Variants in DIP2B observed in about 807,000 individuals in gnomAD.
DIP2B encodes DIP2 acetate--CoA ligase B (putative).
A neutral mutation model predicts 198.0 loss-of-function variants in DIP2B; 76 were observed. The ratio of observed to expected loss-of-function variants is 0.38; its 90% CI spans 0.32 to 0.46. DIP2B has a LOEUF of 0.46. Ranked by LOEUF, DIP2B falls within the 20% of genes least tolerant of loss-of-function variation. DIP2B has a pLI of 0.99. For synonymous variants in DIP2B, 701 were observed against 739.1 expected (o/e 0.95, Z 0.84); for missense variants, 1,559 against 1,978.4 (o/e 0.79, Z 4.02).
intron 1 of DIP2B, among the ~76,000 whole-genome samples, chr12:50,591,642 T>A (rs960540069): frequency 1.3e-5 from 2 of 151,470 alleles, no homozygotes; most frequent in East Asian, 3.9e-4. Context: ...TTTTTTTTAA[T>A]AGAAACATGG....
chr12:50,576,524 G>A (rs1958662683), intron 1 of DIP2B, among the ~76,000 whole-genome samples: 1 of 151,674 alleles, frequency 6.6e-6, no homozygotes, highest in Non-Finnish European at 1.5e-5. Flanking sequence ...TGTCGCCCAG[G>A]CTGGAGTGCA....
intron 7 of DIP2B, among the ~76,000 whole-genome samples, chr12:50,675,673 A>G (rs1338879183): frequency 6.6e-6 from 1 of 152,220 alleles, no homozygotes. Context: ...AGAGATCACC[A>G]TGGAGCATAG....
At chr12:50,576,641 G>A (rs1958664138) in intron 1 of DIP2B, among the ~76,000 whole-genome samples, 1 of 151,336 alleles carries the variant, frequency 6.6e-6, no homozygotes, top group African/African-American at 2.4e-5. Context: ...ACCACGCCTG[G>A]CTAATTTTTT....
rs4026694 is a variant in DIP2B, at chr12:50,716,958, C to CTTTTTTTTTTTTTTTTTTTT, written c.2852-1747_2852-1728dup. 4.9e-3 allele frequency among the ~76,000 whole-genome samples: 288 copies of CTTTTTTTTTTTTTTTTTTTT among 58,932 alleles called. 86 individuals carry two copies. Among genetic ancestry groups the CTTTTTTTTTTTTTTTTTTTT allele is most frequent in the Admixed American group, 8.2e-3 (26 of 3,162 alleles). The allele number at this position is 58,932 out of a possible 152,430, so 38.7% of individuals were successfully genotyped here. ...CCTATCCTAGATTTACGAATTGTTG[C>CTTTTTTTTTTTTTTTTTTTT]TTTTTTTTTTTTTTTTTTTTTTTGA... On this transcript the variant is annotated intron_variant, in intron 23 of 37. Transcript: ENST00000301180.
intron 1 of DIP2B, among the ~76,000 whole-genome samples, chr12:50,573,338 A>G (rs556399240): frequency 6.6e-6 from 1 of 152,338 alleles, no homozygotes; most frequent in East Asian, 1.9e-4. Context: ...GTATCGATCA[A>G]GTTGCTTACA....
At chr12:50,744,222 G>C (rs527314900) in intron 37 of DIP2B, among the ~76,000 whole-genome samples, 1 of 152,034 alleles carries the variant, frequency 6.6e-6, no homozygotes, top group African/African-American at 2.4e-5. Flanking sequence ...GGCTGGTCTC[G>C]AACTCCTGAC....
Position 50,653,197 on chromosome 12 carries a change from G to A in DIP2B, c.302-6997G>A, listed in dbSNP as rs188309212. Among the ~76,000 whole-genome samples, 486 of 151,896 alleles carry A rather than the reference G, an allele frequency of 3.2e-3. 2 individuals carry two copies. Among genetic ancestry groups the A allele is most frequent in the African/African-American group, 0.011 (468 of 41,456 alleles). On this transcript the variant is annotated intron_variant, in intron 3 of 37. Transcript: ENST00000301180. Reference sequence around the variant, plus strand: ...AGTTACTGATTCAATCTCCTTACTAGTTATAGATCTGTTGAGATTTTCTGT... The same window carrying A: ...AGTTACTGATTCAATCTCCTTACTAATTATAGATCTGTTGAGATTTTCTGT...
chr12:50,536,108 T>C (rs1958263647), intron 1 of DIP2B, among the ~76,000 whole-genome samples: 1 of 151,836 alleles, frequency 6.6e-6, no homozygotes, highest in African/African-American at 2.4e-5. Context: ...TTGTTGGACA[T>C]TTGGGTTGGT....
chr12:50,687,940 A>G (rs192720778), intron 12 of DIP2B, among the ~76,000 whole-genome samples: 1 of 150,464 alleles, frequency 6.6e-6, no homozygotes, highest in African/African-American at 2.4e-5. Context: ...GGGGTGGGAC[A>G]CATTGGTTCA....
chr12:50,690,139 T>A (rs961952876), intron 12 of DIP2B, among the ~76,000 whole-genome samples: 2 of 150,618 alleles, frequency 1.3e-5, no homozygotes, highest in African/African-American at 2.4e-5. Flanking sequence ...CAGGCTGGAG[T>A]GCAGTGGTGT....
chr12:50,559,547 C>T (rs28414775), intron 1 of DIP2B, among the ~76,000 whole-genome samples: 1 of 151,872 alleles, frequency 6.6e-6, no homozygotes, highest in Non-Finnish European at 1.5e-5. Context: ...TTAAGACCAG[C>T]TGGGGCAACA....
intron 1 of DIP2B, among the ~76,000 whole-genome samples, chr12:50,556,398 G>GTT (rs2139392340): frequency 6.6e-6 from 1 of 152,114 alleles, no homozygotes; most frequent in East Asian, 1.9e-4. Flanking sequence ...TTTACTAACT[G>GTT]TTCACCTATT....
At position 50,563,578 on chromosome 12, in the gene DIP2B, A is replaced by C. The variant is rs140982241; in HGVS notation, c.100+58338A>C. Among the ~76,000 whole-genome samples the C allele has an allele frequency of 3.7e-4, 55 of 148,804 alleles. No individual in the cohort carries two copies. The East Asian group carries it at 0.011, about 28-fold the overall frequency. Reference sequence around the variant, plus strand: ...TGATTATAGCTCGCTCTAGCCTCCAACTCCTGGGCTTAAGTGATCCTCTTC... The same window carrying C: ...TGATTATAGCTCGCTCTAGCCTCCACCTCCTGGGCTTAAGTGATCCTCTTC... On this transcript the variant is annotated intron_variant, in intron 1 of 37. Coordinates refer to ENST00000301180, the MANE Select transcript of DIP2B (RefSeq NM_173602.3).
chr12:50,521,697 T>A (rs895577458), intron 1 of DIP2B, among the ~76,000 whole-genome samples: 2 of 151,800 alleles, frequency 1.3e-5, no homozygotes, highest in Non-Finnish European at 2.9e-5. Context: ...GGTTTCTCCG[T>A]GTTAGCCAGG....
intron 6 of DIP2B, 60 bp downstream of exon 6, chr12:50,674,689 T>C (rs894257809): frequency 6.3e-7 from 1 of 1,595,544 alleles, no homozygotes; most frequent in Non-Finnish European, 8.6e-7. Flanking sequence ...AAATTCAAAT[T>C]ATGAATGATA....
intron 3 of DIP2B, among the ~76,000 whole-genome samples, chr12:50,645,073 C>G (rs943990654): frequency 3.9e-5 from 6 of 152,078 alleles, no homozygotes; most frequent in African/African-American, 1.4e-4. Context: ...ACCATAGATT[C>G]AATTAAATAT....
rs755059108 is a variant in DIP2B, at chr12:50,747,273, C to G, written c.*2434C>G. 2.6e-5 allele frequency: 4 copies of G among 152,184 alleles called. No homozygotes were observed. The highest frequency in any genetic ancestry group is 4.4e-5 in the Non-Finnish European group (3 of 68,034). 9.4% of individuals were successfully genotyped at this position (152,184 alleles called of 1,614,324 possible). A position where few individuals can be genotyped will look rare whatever the true frequency, so the allele number is the denominator to read the frequency against. On this transcript the variant is annotated 3_prime_UTR_variant, in exon 38 of 38. Coordinates refer to ENST00000301180, the MANE Select transcript of DIP2B (RefSeq NM_173602.3). ...TACTCATTCCTTCAAATACATTACT[C>G]TGTTAATCTCAAAGTGTGGCCAACT... is the stretch of plus-strand genomic sequence containing the variant.
chr12:50,569,006 A>G (rs1458404435), intron 1 of DIP2B, among the ~76,000 whole-genome samples: 1 of 151,392 alleles, frequency 6.6e-6, no homozygotes, highest in Non-Finnish European at 1.5e-5. Flanking sequence ...TCCCCTCTCA[A>G]CTAATTTGAA....
At chr12:50,695,416 A>G (rs1325561969) in intron 15 of DIP2B, 56 bp downstream of exon 15, 3 of 1,523,046 alleles carry the variant, frequency 2.0e-6, no homozygotes, top group Non-Finnish European at 2.7e-6. Context: ...TTAAGATTTC[A>G]GGGATTTCAG....
Sources: allele counts gnomAD v4.1 joint callset (sites outside exome capture counted in the v4.1 genomes callset), GRCh38; gene constraint gnomAD v4.1.1; transcripts MANE v1.5; gene names NCBI Gene and HGNC (gene_info 2026-07-23, HGNC 2026-07-21).